The following SGCD variants were observed in gnomAD, a reference collection of about 807,000 sequenced individuals.
The protein encoded by SGCD is sarcoglycan delta.
In SGCD, 18 loss-of-function variants were observed where a neutral mutation model predicts 36.6. The observed-to-expected ratio is 0.49, with a 90% CI of 0.34 to 0.73. SGCD has a LOEUF of 0.73. Ranked by LOEUF, SGCD falls within the 30% of genes least tolerant of loss-of-function variation. The probability of loss-of-function intolerance (pLI) is 0.01; values close to 1 mark genes in which losing one functional copy is unlikely to be tolerated. For synonymous variants in SGCD, 133 were observed against 130.6 expected (o/e 1.02, Z -0.12); for missense variants, 387 against 346.7 (o/e 1.12, Z -0.92).
At chr5:155,733,036 C>T in the SGCD span, among the ~76,000 whole-genome samples, 6 of 127,606 alleles carry the variant, frequency 4.7e-5, no homozygotes, top group East Asian at 4.6e-4. Context: ...TTTTTTTTCC[C>T]AGTGCCAAGT....
At chr5:156,715,958 CAAATTCTT>C (rs1430549135) in intron 7 of SGCD, among the ~76,000 whole-genome samples, 1 of 152,192 alleles carries the variant, frequency 6.6e-6, no homozygotes, top group Non-Finnish European at 1.5e-5. Flanking sequence ...GATGTTTAAA[CAAATTCTT>C]AAATGTCTTT....
intron 6 of SGCD, among the ~76,000 whole-genome samples, chr5:156,616,303 T>C (rs546086956): frequency 1.3e-5 from 2 of 152,198 alleles, no homozygotes; most frequent in Non-Finnish European, 2.9e-5. Context: ...GATGATATAG[T>C]GTGCTGGTTA....
chr5:156,704,787 A>G (rs907944258), intron 7 of SGCD, among the ~76,000 whole-genome samples: 4 of 152,104 alleles, frequency 2.6e-5, no homozygotes, highest in Admixed American at 2.0e-4. Context: ...TATTAGCTGC[A>G]CATTTTCCCT....
intron 3 of SGCD, among the ~76,000 whole-genome samples, chr5:156,190,241 C>T (rs980136412): frequency 2.6e-5 from 4 of 152,084 alleles, no homozygotes; most frequent in Non-Finnish European, 5.9e-5. Context: ...AGAAAGAATG[C>T]CATTATCAAG....
the SGCD span, among the ~76,000 whole-genome samples, chr5:155,802,879 C>T: frequency 6.6e-6 from 1 of 152,260 alleles, no homozygotes; most frequent in South Asian, 2.1e-4. Context: ...AGATATTTTT[C>T]ATCTGAGGAA....
At chr5:156,189,945 G>A (rs1763850522) in intron 3 of SGCD, among the ~76,000 whole-genome samples, 1 of 152,152 alleles carries the variant, frequency 6.6e-6, no homozygotes, top group South Asian at 2.1e-4. Flanking sequence ...TCATTGGGTA[G>A]CAAATAGGTT....
chr5:156,736,734 A>G (rs1179881932), intron 7 of SGCD, among the ~76,000 whole-genome samples: 1 of 152,234 alleles, frequency 6.6e-6, no homozygotes, highest in Non-Finnish European at 1.5e-5. Context: ...CATAGGATGT[A>G]TTGAGAACTC....
chr5:156,035,454 A>G (rs1321724990), intron 1 of SGCD, among the ~76,000 whole-genome samples: 2 of 152,096 alleles, frequency 1.3e-5, no homozygotes, highest in Non-Finnish European at 2.9e-5. Context: ...AAAGAAAAAT[A>G]AAAACATTAG....
chr5:156,450,294 A>T (rs563861119), intron 3 of SGCD, among the ~76,000 whole-genome samples: 262 of 152,174 alleles, frequency 1.7e-3, no homozygotes, highest in Non-Finnish European at 3.0e-3. Flanking sequence ...ATGGGAACCT[A>T]GGTGCAGAGC....
intron 1 of SGCD, among the ~76,000 whole-genome samples, chr5:155,914,488 G>A (rs561004530): frequency 6.6e-6 from 1 of 152,178 alleles, no homozygotes; most frequent in South Asian, 2.1e-4. Context: ...AGTGTAATAA[G>A]GTCTATTTAA....
chr5:156,710,919 G>A (rs940726944), intron 7 of SGCD, among the ~76,000 whole-genome samples: 2 of 152,326 alleles, frequency 1.3e-5, no homozygotes, highest in East Asian at 1.9e-4. Context: ...ATAAGAGATA[G>A]CCTTGTCAAA....
At chr5:156,458,529 ACACCAGTGAT>A in intron 3 of SGCD, 2 of 1,450,052 alleles carry the variant, frequency 1.4e-6, no homozygotes, top group Non-Finnish European at 1.9e-6. Context: ...CAGAATAGAC[ACACCAGTGAT>A]TCTTTCCCTC....
At chr5:156,226,224 G>A (rs959193432) in intron 3 of SGCD, among the ~76,000 whole-genome samples, 1 of 151,834 alleles carries the variant, frequency 6.6e-6, no homozygotes, top group Non-Finnish European at 1.5e-5. Context: ...CCCGACTCCC[G>A]CCCTTTCCCC....
intron 7 of SGCD, among the ~76,000 whole-genome samples, chr5:156,680,370 T>C (rs890997569): frequency 5.9e-5 from 9 of 152,174 alleles, no homozygotes; most frequent in Non-Finnish European, 1.3e-4. Flanking sequence ...GATCTCATGA[T>C]TACTAGAATC....
At chr5:155,949,847 T>C (rs1017561759) in intron 1 of SGCD, among the ~76,000 whole-genome samples, 5 of 152,190 alleles carry the variant, frequency 3.3e-5, no homozygotes, top group African/African-American at 7.2e-5. Flanking sequence ...GGATTACTGA[T>C]AGATCATAAC....
intron 1 of SGCD, among the ~76,000 whole-genome samples, chr5:155,928,045 T>C (rs993762732): frequency 1.1e-4 from 16 of 152,190 alleles, no homozygotes; most frequent in African/African-American, 3.6e-4. Context: ...TAGAATGAAA[T>C]CTCATATTTG....
At chr5:156,346,790 A>AT (rs869028767) in intron 3 of SGCD, among the ~76,000 whole-genome samples, 10 of 139,386 alleles carry the variant, frequency 7.2e-5, no homozygotes, top group East Asian at 2.3e-4. Flanking sequence ...TTATTTTTTT[A>AT]TTTTTTTTAT....
intron 4 of SGCD, among the ~76,000 whole-genome samples, chr5:156,509,567 G>A (rs1447161674): frequency 2.6e-5 from 4 of 152,252 alleles, no homozygotes; most frequent in African/African-American, 9.6e-5. Context: ...TTTGTCCACT[G>A]AGGTGGGGAC....
At chr5:156,160,755 ATAG>A (rs1201053214) in intron 3 of SGCD, among the ~76,000 whole-genome samples, 38 of 151,670 alleles carry the variant, frequency 2.5e-4, no homozygotes, top group Non-Finnish European at 5.0e-4. Context: ...TCATCACGTA[ATAG>A]TAGCTTATTG....
Sources: gnomAD v4.1 joint callset for allele counts (sites outside exome capture counted in the v4.1 genomes callset) on GRCh38, gnomAD v4.1.1 for gene constraint, MANE v1.5 for transcripts, NCBI Gene and HGNC (gene_info 2026-07-23, HGNC 2026-07-21) for gene names.